The following TERF1 variants were observed in gnomAD, a reference collection of about 807,000 sequenced individuals.
TERF1 encodes telomeric repeat binding factor 1.
TERF1 carries 20 observed loss-of-function variants against 55.1 expected under a neutral mutation model. The observed-to-expected ratio is 0.36, with a 90% CI of 0.26 to 0.53. The LOEUF is 0.53. Among genes scored for constraint, TERF1 ranks in the 20% least tolerant of loss-of-function variants. The pLI, the probability that TERF1 is intolerant of heterozygous loss-of-function variation, is 0.91. For missense variants in TERF1, 439 were observed against 535.7 expected, an observed-to-expected ratio of 0.82 and a Z score of 1.78; for synonymous variants, 168 against 181.2, an observed-to-expected ratio of 0.93 and a Z score of 0.59.
intron 2 of TERF1, among the ~76,000 whole-genome samples, chr8:73,015,997 G>A (rs10101211): frequency 0.39 from 59,284 of 152,062 alleles, 12,225 homozygotes; most frequent in Non-Finnish European, 0.46. Flanking sequence ...GCTCACACCT[G>A]TAATCCCAGC....
intron 9 of TERF1, among the ~76,000 whole-genome samples, chr8:73,040,703 C>A (rs1809798210): frequency 6.6e-6 from 1 of 151,994 alleles, no homozygotes; most frequent in African/African-American, 2.4e-5. Context: ...TGTTCCTTTC[C>A]TTCTTCTTCT....
chr8:73,028,571 A>T (rs982154290), intron 6 of TERF1, among the ~76,000 whole-genome samples: 82 of 104,400 alleles, frequency 7.9e-4, no homozygotes, highest in South Asian at 2.1e-3. Flanking sequence ...ACGTAGACCC[A>T]TTTTTTTTTT....
At chr8:73,018,630 C>A (rs900388861) in intron 2 of TERF1, among the ~76,000 whole-genome samples, 1 of 152,148 alleles carries the variant, frequency 6.6e-6, no homozygotes, top group Non-Finnish European at 1.5e-5. Flanking sequence ...AAGCCGAGAT[C>A]GCGTCACTTC....
At position 73,008,880 on chromosome 8, in the gene TERF1, A is replaced by G; in HGVS notation, c.-7A>G. On this transcript the variant is annotated 5_prime_UTR_variant, in exon 1 of 10. Transcript: ENST00000276603. ...TGAAGGGGCAGTACCCAAGCGAGCC[A>G]TTTAACATGGCGGAGGATGTTTCCT... 1 of 1,600,104 alleles carries G rather than the reference A, an allele frequency of 6.2e-7. No individual in the cohort carries two copies. Among genetic ancestry groups the G allele is most frequent in the East Asian group, 2.3e-5 (1 of 44,442 alleles).
rs559390494 is a variant in TERF1 at position 73,018,143 on chromosome 8, G to A, written c.416-2541G>A. The stretch of plus-strand genomic sequence containing the variant: ...TCTGCATGTCTTCTTCCATAGCTAG[G>A]ATGTGAGTTCCACAAGGTCAGGAAC... On this transcript the variant is annotated intron_variant, in intron 2 of 9. Transcript: ENST00000276603. Among the ~76,000 whole-genome samples, 109 of 152,290 alleles carry A rather than the reference G, an allele frequency of 7.2e-4. 1 individual carries two copies. In the Middle Eastern group the frequency reaches 0.017, roughly 24 times the overall value.
intron 9 of TERF1, among the ~76,000 whole-genome samples, chr8:73,045,083 A>AT (rs1331423446): frequency 6.6e-6 from 1 of 152,106 alleles, no homozygotes; most frequent in Non-Finnish European, 1.5e-5. Flanking sequence ...CTTTTAAAAA[A>AT]TTTTTTGGGT....
At chr8:73,045,186 C>T (rs1265723615) in intron 9 of TERF1, among the ~76,000 whole-genome samples, 1 of 152,174 alleles carries the variant, frequency 6.6e-6, no homozygotes, top group Admixed American at 6.5e-5. Flanking sequence ...CTCACCAACA[C>T]TTATTTTGTG....
chr8:73,043,880 T>C (rs532425099), intron 9 of TERF1, among the ~76,000 whole-genome samples: 1 of 152,340 alleles, frequency 6.6e-6, no homozygotes, highest in South Asian at 2.1e-4. Flanking sequence ...GAATAACGTA[T>C]ATGGCAAGTT....
chr8:73,008,893 G>A lies in TERF1; in HGVS notation c.7G>A (p.Glu3Lys), dbSNP rs1008256583. The change falls in exon 1 of 10, where the codon GAG (glutamate) becomes AAG (lysine). Residue 3 changes from glutamate to lysine, a missense_variant. By Grantham distance (56) the Glu-to-Lys change is moderately conservative (BLOSUM62 1). Transcript: ENST00000276603. ...CCCAAGCGAGCCATTTAACATGGCG[G>A]AGGATGTTTCCTCAGCGGCCCCGAG... is the stretch of plus-strand genomic sequence containing the variant. MA[E>K]DVSSAAPSPR... 1 of 1,605,414 alleles carries A rather than the reference G, an allele frequency of 6.2e-7. No homozygotes were observed.
chr8:73,038,685 T>TA, intron 8 of TERF1: 9 of 735,098 alleles, frequency 1.2e-5, no homozygotes, highest in Non-Finnish European at 1.5e-5. Context: ...TTTCAGTAAT[T>TA]ACAGTTCTGT....
chr8:73,015,312 CTTT>C (rs5892387), intron 2 of TERF1, among the ~76,000 whole-genome samples: 21 of 131,658 alleles, frequency 1.6e-4, no homozygotes, highest in Non-Finnish European at 2.1e-4. Flanking sequence ...AACCCTTTTG[CTTT>C]TTTTTTTTTT....
At chr8:73,028,979 C>CA (rs951498629) in intron 6 of TERF1, among the ~76,000 whole-genome samples, 12 of 152,122 alleles carry the variant, frequency 7.9e-5, no homozygotes, top group Admixed American at 5.9e-4. Context: ...ACTTGCTGTA[C>CA]ACTAGTTACA....
In TERF1 at chr8:73,047,898, A is replaced by G. The variant is rs56247110; in HGVS notation, c.*1761A>G. On this transcript the variant is annotated 3_prime_UTR_variant, in exon 10 of 10. Transcript: ENST00000276603. The stretch of plus-strand genomic sequence containing the variant: ...CCAAACACCTGCTATAGATCATCAA[A>G]TCTAAGTTGCCATTAATTGTAAGAT... 6.6e-6 allele frequency: 1 copy of G among 152,212 alleles called. No homozygotes were observed. The highest frequency in any genetic ancestry group is 1.5e-5 in the Non-Finnish European group (1 of 68,044). The allele number at this position is 152,212 out of a possible 1,614,324, so 9.4% of individuals were successfully genotyped here.
chr8:73,036,571 C>T (rs1361394299), intron 8 of TERF1, among the ~76,000 whole-genome samples: 1 of 151,812 alleles, frequency 6.6e-6, no homozygotes, highest in Non-Finnish European at 1.5e-5. Flanking sequence ...TTGGTTTTCA[C>T]AGGGTATTGG....
chr8:73,017,011 T>A (rs574650233), intron 2 of TERF1, among the ~76,000 whole-genome samples: 3 of 152,274 alleles, frequency 2.0e-5, no homozygotes, highest in African/African-American at 4.8e-5. Context: ...CAATGTGATT[T>A]TGGAGTTTAT....
intron 1 of TERF1, chr8:73,012,566 G>A (rs904551034): frequency 1.3e-5 from 2 of 159,506 alleles, no homozygotes; most frequent in East Asian, 3.6e-4. Context: ...CCAGCTATGC[G>A]GGAGGCTGAG....
At position 73,009,198 on chromosome 8, in the gene TERF1, C is replaced by A; in HGVS notation, c.312C>A (p.Ser104Arg). The A allele has an allele frequency of 6.2e-7, 1 of 1,610,038 alleles. No individual in the cohort carries two copies. The highest frequency in any genetic ancestry group is 8.5e-7 in the Non-Finnish European group (1 of 1,179,766). ...AGGACTTCCGCAGGACCCGCAACAG[C>A]GCAGAGGGTGAGTGCAGACCGCGTC... is the stretch of plus-strand genomic sequence containing the variant. ...RSEDFRRTRN[S>R]AEAIIHGLSS... The change falls in exon 1 of 10, where the codon AGC (serine) becomes AGA (arginine). Residue 104 changes from serine (S) to arginine (R), a missense_variant. Ser to Arg is a moderately radical substitution (Grantham distance 110). Coordinates refer to ENST00000276603, the MANE Select transcript of TERF1 (RefSeq NM_017489.3).
chr8:73,027,129 ATTAAAAATAAT>A (rs1327639534), intron 6 of TERF1, 77 bp downstream of exon 6: 15 of 976,242 alleles, frequency 1.5e-5, no homozygotes, highest in Admixed American at 2.6e-5. Flanking sequence ...ATGTCTTTTT[ATTAAAAATAAT>A]TATTGAGTAG....
chr8:73,016,388 A>G (rs1586031133), intron 2 of TERF1, among the ~76,000 whole-genome samples: 1 of 151,144 alleles, frequency 6.6e-6, no homozygotes, highest in Non-Finnish European at 1.5e-5. Context: ...AATACAGCAG[A>G]TATCTTAAAG....
Sources: allele counts gnomAD v4.1 joint callset (sites outside exome capture counted in the v4.1 genomes callset), GRCh38; gene constraint gnomAD v4.1.1; transcripts MANE v1.5; gene names NCBI Gene and HGNC (gene_info 2026-07-23, HGNC 2026-07-21).